The following IGFL2 variants were observed in gnomAD, a reference collection of about 807,000 sequenced individuals.
IGFL2 encodes the protein IGF like family member 2.
Under a neutral mutation model 13.9 loss-of-function variants are expected in IGFL2, and 7 were observed. That is an observed-to-expected ratio of 0.51 (90% confidence interval 0.29 to 0.95). IGFL2 has a LOEUF of 0.95. IGFL2 is among the 40% of genes least tolerant of loss of function. IGFL2 has a pLI of 0.08. For synonymous variants in IGFL2, 55 were observed against 55.8 expected (o/e 0.99, Z 0.07); for missense variants, 138 against 147.8 (o/e 0.93, Z 0.34).
the IGFL2 span, among the ~76,000 whole-genome samples, chr19:46,215,110 T>A: frequency 1.3e-5 from 2 of 152,100 alleles, no homozygotes; most frequent in Admixed American, 1.3e-4. Flanking sequence ...ACAGACACCC[T>A]CCTAGGAGTC....
upstream of IGFL2, chr19:46,147,971 G>T (rs1009849136): frequency 8.6e-6 from 3 of 347,370 alleles, no homozygotes; most frequent in Non-Finnish European, 1.6e-5. Flanking sequence ...TCTCTTTGCC[G>T]TGGGCAGAGT....
Position 46,160,718 on chromosome 19 carries a change from C to T in IGFL2, c.178C>T (p.Leu60=), listed in dbSNP as rs2146889425. ...CTGTTACAATGACGCCATCGTGTCC[C>T]TGAGCGAGACCCGCCAATGTGGTCC... ...QCCYNDAIVS[L]SETRQCGPPC... Residue 60 remains leucine (L), a synonymous_variant, in exon 3 of 4, where the codon CTG becomes TTG. Coordinates refer to ENST00000377693, the MANE Select transcript of IGFL2 (RefSeq NM_001135113.2). 1 of 1,614,080 alleles carries T rather than the reference C, an allele frequency of 6.2e-7. No individual in the cohort carries two copies.
intron 1 of IGFL2, among the ~76,000 whole-genome samples, chr19:46,151,650 C>G (rs2146847134): frequency 6.6e-6 from 1 of 152,284 alleles, no homozygotes; most frequent in Admixed American, 6.5e-5. Flanking sequence ...TGGCTCATGC[C>G]TGTAATCCCA....
chr19:46,110,704 T>TA, the IGFL2 span, among the ~76,000 whole-genome samples: 1 of 152,192 alleles, frequency 6.6e-6, no homozygotes, highest in Non-Finnish European at 1.5e-5. Flanking sequence ...AAGCATGCAA[T>TA]ACAGTTTATA....
chr19:46,082,894 G>C, the IGFL2 span, among the ~76,000 whole-genome samples: 1 of 152,110 alleles, frequency 6.6e-6, no homozygotes, highest in Non-Finnish European at 1.5e-5. Flanking sequence ...TTTCCCCTGG[G>C]TGTGGGATGG....
the IGFL2 span, chr19:46,214,980 T>G: frequency 6.6e-6 from 1 of 151,904 alleles, no homozygotes; most frequent in African/African-American, 2.4e-5. Context: ...CCCACACTTA[T>G]CCTGACTGTG....
the IGFL2 span, among the ~76,000 whole-genome samples, chr19:46,081,016 C>G: frequency 6.6e-6 from 1 of 152,178 alleles, no homozygotes; most frequent in African/African-American, 2.4e-5. Context: ...ATCAGCCCAC[C>G]TTTTAAACCC....
the IGFL2 span, among the ~76,000 whole-genome samples, chr19:46,186,250 C>G: frequency 6.6e-6 from 1 of 152,196 alleles, no homozygotes; most frequent in Non-Finnish European, 1.5e-5. Context: ...AGGCCGCAGG[C>G]AGGGCACCCC....
the IGFL2 span, among the ~76,000 whole-genome samples, chr19:46,117,608 A>G: frequency 2.0e-5 from 3 of 152,232 alleles, no homozygotes; most frequent in South Asian, 6.2e-4. Flanking sequence ...CCTCTCAAGT[A>G]GCTGGGACTA....
chr19:46,082,795 A>G, the IGFL2 span, among the ~76,000 whole-genome samples: 3 of 152,148 alleles, frequency 2.0e-5, no homozygotes, highest in Admixed American at 6.5e-5. Flanking sequence ...CTATAGATGT[A>G]ACTCTCTGAT....
the IGFL2 span, among the ~76,000 whole-genome samples, chr19:46,200,039 G>C: frequency 6.6e-6 from 1 of 152,078 alleles, no homozygotes; most frequent in Non-Finnish European, 1.5e-5. Flanking sequence ...ACCACGCCTG[G>C]CTAATTTTTG....
intron 1 of IGFL2, among the ~76,000 whole-genome samples, chr19:46,151,652 G>A (rs8102572): frequency 0.26 from 38,826 of 152,124 alleles, 5,318 homozygotes; most frequent in South Asian, 0.31. Flanking sequence ...GCTCATGCCT[G>A]TAATCCCAGC....
At chr19:46,085,726 A>G in the IGFL2 span, among the ~76,000 whole-genome samples, 2 of 152,312 alleles carry the variant, frequency 1.3e-5, no homozygotes, top group East Asian at 1.9e-4. Flanking sequence ...ACAGTGGGCC[A>G]TATACTTAAG....
chr19:46,102,420 A>C, the IGFL2 span, among the ~76,000 whole-genome samples: 1 of 152,192 alleles, frequency 6.6e-6, no homozygotes, highest in Non-Finnish European at 1.5e-5. Context: ...AAGGATGTGG[A>C]GAATATTACA....
intron 1 of IGFL2, among the ~76,000 whole-genome samples, chr19:46,154,169 AT>A (rs1429305216): frequency 1.2e-4 from 18 of 152,104 alleles, no homozygotes; most frequent in African/African-American, 4.1e-4. Context: ...ACAGGAACTC[AT>A]TCTTTTTTTA....
chr19:46,087,314 G>A, the IGFL2 span, among the ~76,000 whole-genome samples: 2 of 152,200 alleles, frequency 1.3e-5, no homozygotes, highest in South Asian at 4.1e-4. Flanking sequence ...CTGCAGGTGG[G>A]TGCTGGCTGT....
chr19:46,099,415 T>G, the IGFL2 span, among the ~76,000 whole-genome samples: 1 of 152,144 alleles, frequency 6.6e-6, no homozygotes, highest in Admixed American at 6.5e-5. Flanking sequence ...CTGAAGTGTG[T>G]TTTTCAACTT....
the IGFL2 span, among the ~76,000 whole-genome samples, chr19:46,107,101 TG>T: frequency 6.6e-6 from 1 of 151,232 alleles, no homozygotes; most frequent in Non-Finnish European, 1.5e-5. Flanking sequence ...GGCACCAGAG[TG>T]GGGGAGTTTT....
the IGFL2 span, chr19:46,136,902 T>A: frequency 1.2e-6 from 1 of 844,480 alleles, no homozygotes; most frequent in Non-Finnish European, 2.1e-6. Flanking sequence ...TGGTCTAGAT[T>A]TACACATGTC....
Sources: gnomAD v4.1 joint callset for allele counts (sites outside exome capture counted in the v4.1 genomes callset) on GRCh38, gnomAD v4.1.1 for gene constraint, MANE v1.5 for transcripts, NCBI Gene and HGNC (gene_info 2026-07-23, HGNC 2026-07-21) for gene names.